Variants in PCNX2 observed in about 807,000 individuals in gnomAD.
PCNX2 encodes the protein pecanex 2.
Under a neutral mutation model 223.8 loss-of-function variants are expected in PCNX2, and 168 were observed. That is an observed-to-expected ratio of 0.75 (90% CI 0.66 to 0.85). The LOEUF (loss-of-function observed/expected upper bound fraction) is 0.85. PCNX2 is among the 40% of genes least tolerant of loss of function. The pLI is 0.00. For missense variants in PCNX2, 2,507 were observed against 2,675.5 expected, an observed-to-expected ratio of 0.94 and a Z score of 1.39; for synonymous variants, 1,006 against 1,052.6, an observed-to-expected ratio of 0.96 and a Z score of 0.86.
At chr1:233,083,351 C>T (rs1673449105) in intron 23 of PCNX2, among the ~76,000 whole-genome samples, 1 of 152,242 alleles carries the variant, frequency 6.6e-6, no homozygotes, top group Non-Finnish European at 1.5e-5. Context: ...AGGTGTAGGA[C>T]TCAGCGTCTT....
intron 17 of PCNX2, among the ~76,000 whole-genome samples, chr1:233,174,134 T>A (rs1679329239): frequency 6.9e-6 from 1 of 145,646 alleles, no homozygotes; most frequent in Admixed American, 6.9e-5. Flanking sequence ...AATTATATAT[T>A]ATATGTAATA....
At chr1:232,993,009 A>T (rs941738799) in intron 32 of PCNX2, among the ~76,000 whole-genome samples, 1 of 152,206 alleles carries the variant, frequency 6.6e-6, no homozygotes, top group Admixed American at 6.5e-5. Context: ...TTGTATCTTT[A>T]TAGCAGTGTG....
At chr1:233,247,585 A>C (rs967750539) in intron 8 of PCNX2, among the ~76,000 whole-genome samples, 5 of 152,022 alleles carry the variant, frequency 3.3e-5, no homozygotes, top group African/African-American at 1.2e-4. Flanking sequence ...CAGCCTTCAA[A>C]AGTGCTGAGA....
intron 8 of PCNX2, among the ~76,000 whole-genome samples, chr1:233,239,831 T>C (rs1376072756): frequency 6.6e-6 from 1 of 152,242 alleles, no homozygotes. Context: ...TAATTTCAGG[T>C]GTCTCTGTTA....
chr1:233,250,632 A>C, intron 8 of PCNX2, 107 bp downstream of exon 8: 1 of 1,391,468 alleles, frequency 7.2e-7, no homozygotes. Flanking sequence ...TAACAACTAC[A>C]AAGGGATTAA....
At chr1:233,206,758 G>C (rs1681490395) in intron 13 of PCNX2, among the ~76,000 whole-genome samples, 1 of 152,080 alleles carries the variant, frequency 6.6e-6, no homozygotes, top group South Asian at 2.1e-4. Context: ...GGTGGCTCAC[G>C]CCTGTAATCC....
intron 28 of PCNX2, among the ~76,000 whole-genome samples, chr1:233,008,962 T>TG (rs779812330): frequency 6.6e-6 from 1 of 152,044 alleles, no homozygotes; most frequent in East Asian, 1.9e-4. Context: ...CATGCAGAGC[T>TG]GGGGGGAGTG....
chr1:233,172,003 T>C (rs1158413510), intron 17 of PCNX2, among the ~76,000 whole-genome samples: 1 of 152,190 alleles, frequency 6.6e-6, no homozygotes, highest in Non-Finnish European at 1.5e-5. Context: ...TATATTTCAA[T>C]TGATTCATTT....
the PCNX2 span, among the ~76,000 whole-genome samples, chr1:233,301,831 G>A: frequency 3.8e-5 from 5 of 132,806 alleles, no homozygotes; most frequent in Non-Finnish European, 6.2e-5. Context: ...TTGCTCTGCC[G>A]CCCAAGCCAG....
At chr1:233,067,423 A>G (rs1372049928) in intron 23 of PCNX2, among the ~76,000 whole-genome samples, 3 of 147,456 alleles carry the variant, frequency 2.0e-5, no homozygotes, top group Admixed American at 6.8e-5. Context: ...TGGCAAAGAA[A>G]TAGAATAAAT....
At chr1:233,116,781 A>G (rs1341775136) in intron 21 of PCNX2, among the ~76,000 whole-genome samples, 1 of 152,146 alleles carries the variant, frequency 6.6e-6, no homozygotes, top group Non-Finnish European at 1.5e-5. Flanking sequence ...AAGAGAAGAA[A>G]GAAAATAATA....
At chr1:233,099,942 A>G (rs1005850300) in intron 21 of PCNX2, among the ~76,000 whole-genome samples, 4 of 152,310 alleles carry the variant, frequency 2.6e-5, no homozygotes, top group Admixed American at 6.5e-5. Context: ...ATCTCCTTAG[A>G]CAGTTTGAGG....
rs1036439769 is a variant in PCNX2 at position 232,991,806 on chromosome 1, G to A, written c.5792-5266C>T. On this transcript the variant is annotated intron_variant, in intron 32 of 33. Transcript: ENST00000258229. The surrounding 1 kb of genome is among the most constrained non-coding windows in gnomAD (Gnocchi z 4.3). ...CCCTCCAGCCCTCAGGAGGAACCAA[G>A]CCTGCCCACACCTGGATCTCAGACT... 2.0e-5 allele frequency among the ~76,000 whole-genome samples: 3 copies of A among 152,088 alleles called. No homozygotes were observed. Among genetic ancestry groups the A allele is most frequent in the African/African-American group, 7.2e-5 (3 of 41,418 alleles).
At chr1:233,066,425 C>CT (rs1672613165) in intron 23 of PCNX2, among the ~76,000 whole-genome samples, 1 of 152,212 alleles carries the variant, frequency 6.6e-6, no homozygotes, top group Non-Finnish European at 1.5e-5. Flanking sequence ...GCTGGCATCT[C>CT]TGAGTTTTTA....
chr1:233,172,018 G>A (rs572490695), intron 17 of PCNX2, among the ~76,000 whole-genome samples: 2 of 152,154 alleles, frequency 1.3e-5, no homozygotes, highest in South Asian at 4.1e-4. Context: ...TCATTTGTTT[G>A]TTTGTTTGTT....
intron 15 of PCNX2, among the ~76,000 whole-genome samples, chr1:233,188,267 G>A (rs531655085): frequency 1.1e-4 from 17 of 152,176 alleles, no homozygotes; most frequent in African/African-American, 2.9e-4. Context: ...CCTGGCTGTC[G>A]GATTGCAGTC....
chr1:233,004,573 A>G (rs1314893762), intron 28 of PCNX2, among the ~76,000 whole-genome samples: 1 of 152,140 alleles, frequency 6.6e-6, no homozygotes, highest in East Asian at 1.9e-4. Context: ...TACAAGAAAC[A>G]GCGTCCCTGA....
rs140999155 is a variant in PCNX2 at position 232,991,549 on chromosome 1, C to A, written c.5792-5009G>T. 1.8e-4 allele frequency among the ~76,000 whole-genome samples: 27 copies of A among 152,190 alleles called. No individual in the cohort carries two copies. Among genetic ancestry groups the A allele is most frequent in the African/African-American group, 6.3e-4 (26 of 41,530 alleles). On this transcript the variant is annotated intron_variant, in intron 32 of 33. Transcript: ENST00000258229. This position sits in a 1 kb window ranked among gnomAD's most constrained non-coding sequence, Gnocchi z 4.3. Reference sequence around the variant, plus strand: ...CTCAGGGTGGGGCCTTACTTTGACACAGGGTCGTTGCAAATGTCATTAGTT... The same window carrying A: ...CTCAGGGTGGGGCCTTACTTTGACAAAGGGTCGTTGCAAATGTCATTAGTT...
chr1:233,073,333 T>C (rs1009679488), intron 23 of PCNX2, among the ~76,000 whole-genome samples: 13 of 152,200 alleles, frequency 8.5e-5, no homozygotes, highest in Admixed American at 2.6e-4. Context: ...AAAAACAAAC[T>C]TTTGATTTTA....
Sources: allele counts gnomAD v4.1 joint callset (sites outside exome capture counted in the v4.1 genomes callset), GRCh38; gene constraint gnomAD v4.1.1; non-coding constraint Gnocchi (gnomAD v3.1); transcripts MANE v1.5; gene names NCBI Gene and HGNC (gene_info 2026-07-23, HGNC 2026-07-21).